RNF44: variants seen among roughly 807,000 people sequenced by gnomAD.
The protein encoded by RNF44 is ring finger protein 44.
A neutral mutation model predicts 53.6 loss-of-function variants in RNF44; 25 were observed. The observed-to-expected ratio is 0.47, with a 90% CI of 0.34 to 0.65. The LOEUF (loss-of-function observed/expected upper bound fraction) is 0.65. RNF44 is among the 30% of genes least tolerant of loss of function. RNF44 has a pLI of 0.01. For synonymous variants in RNF44, 282 were observed against 252.2 expected (o/e 1.12, Z -1.12); for missense variants, 581 against 595.5 (o/e 0.98, Z 0.25).
chr5:176,530,993 A>T lies in RNF44; in HGVS notation c.494T>A (p.Leu165Gln). 6.9e-7 allele frequency: 1 copy of T among 1,455,362 alleles called. No homozygotes were observed. The highest frequency in any genetic ancestry group is 9.0e-7 in the Non-Finnish European group (1 of 1,107,014). 90.2% of individuals were successfully genotyped at this position (1,455,362 alleles called of 1,614,324 possible). A position where few individuals can be genotyped will look rare whatever the true frequency, so the allele number is the denominator to read the frequency against. The stretch of plus-strand genomic sequence containing the variant: ...GGGGTAGGCCTGATAGGGCACAGGC[A>T]GCTGCTGCATGGTGCACGCCTGGAT... ...PLIQACTMQQ[L>Q]PVPYQAYPHL... Residue 165 changes from leucine (L) to glutamine (Q), a missense_variant, in exon 5 of 11, where the codon CTG (leucine) becomes CAG (glutamine). By Grantham distance (113) the Leu-to-Gln change is moderately radical. This residue lies in a region of RNF44 where 387 missense variants were observed against 366.0 expected (regional missense o/e 1.06). Transcript: ENST00000274811.
In RNF44 at chr5:176,530,035, A is replaced by T. The variant is rs201561309; in HGVS notation, c.926+47T>A. On this transcript the variant is annotated intron_variant, in intron 7 of 10. Transcript: ENST00000274811. ...TTTAGGTCTAACCACTGGAGGTTCC[A>T]GGAGAACAGGGCATCAGGGACCTGG... The T allele has an allele frequency of 8.6e-6, 12 of 1,402,984 alleles. No homozygotes were observed. The South Asian group carries it at 2.0e-4, about 23-fold the overall frequency. The allele number at this position is 1,402,984 out of a possible 1,614,324, so 86.9% of individuals were successfully genotyped here.
At chr5:176,535,007 C>G (rs1757026954) in intron 1 of RNF44, among the ~76,000 whole-genome samples, 1 of 152,184 alleles carries the variant, frequency 6.6e-6, no homozygotes, top group African/African-American at 2.4e-5. Flanking sequence ...CTGTGGCCAG[C>G]CCCCTACAAA....
At chr5:176,529,265 G>T in intron 10 of RNF44, 23 bp downstream of exon 10, 1 of 1,605,650 alleles carries the variant, frequency 6.2e-7, no homozygotes, top group African/African-American at 1.3e-5. Flanking sequence ...GGAATACCCA[G>T]GAGCAGACCT....
At chr5:176,535,159 C>G (rs1279637743) in intron 1 of RNF44, among the ~76,000 whole-genome samples, 1 of 152,236 alleles carries the variant, frequency 6.6e-6, no homozygotes, top group African/African-American at 2.4e-5. Context: ...TTCTTGCCTA[C>G]AGACCGTGGG....
chr5:176,534,731 T>C (rs1441110580), intron 1 of RNF44, among the ~76,000 whole-genome samples: 1 of 152,216 alleles, frequency 6.6e-6, no homozygotes. Context: ...AACCATGCTG[T>C]TTCCCCGGCG....
intron 1 of RNF44, among the ~76,000 whole-genome samples, 178 bp from the exon 2 acceptor site, chr5:176,532,694 G>A (rs1227536932): frequency 7.2e-6 from 1 of 138,158 alleles, no homozygotes; most frequent in Non-Finnish European, 1.5e-5. Flanking sequence ...AGTGAGCTGA[G>A]CTGAGATCGC....
At position 176,529,628 on chromosome 5, in the gene RNF44, G is replaced by C. The variant is rs1756375099; in HGVS notation, c.1031C>G (p.Ala344Gly). ...MENYEALLNL[A>G]ERLGDAKPRG... ...GGGCTTGGCATCTCCCAGCCGCTCG[G>C]CCAGGTTCAGGAGGGCCTGCATGCG... Residue 344 changes from alanine (A) to glycine (G), a missense_variant, in exon 9 of 11, where the codon GCC (alanine) becomes GGC (glycine). Physicochemically the swap from Ala to Gly is moderately conservative, Grantham distance 60. Coordinates refer to ENST00000274811, the MANE Select transcript of RNF44 (RefSeq NM_014901.5). 6.2e-7 allele frequency: 1 copy of C among 1,613,784 alleles called. No individual in the cohort carries two copies. The highest frequency in any genetic ancestry group is 1.3e-5 in the African/African-American group (1 of 74,936).
At chr5:176,530,452 C>G (rs1246441935) in intron 6 of RNF44, 130 bp downstream of exon 6, 1 of 1,125,484 alleles carries the variant, frequency 8.9e-7, no homozygotes, top group Non-Finnish European at 1.2e-6. Context: ...CCCAGCCGCC[C>G]CGGAGCCCAC....
upstream of RNF44, among the ~76,000 whole-genome samples, chr5:176,539,192 CAA>C: frequency 6.6e-6 from 1 of 152,210 alleles, no homozygotes; most frequent in East Asian, 1.9e-4. Flanking sequence ...CTAAGCAACA[CAA>C]GAGCAAGGTC....
upstream of RNF44, among the ~76,000 whole-genome samples, chr5:176,542,011 G>A (rs1278685273): frequency 6.6e-6 from 1 of 152,160 alleles, no homozygotes; most frequent in African/African-American, 2.4e-5. Context: ...CCTGAGCCCC[G>A]AGTTCTGGCT....
rs545451135 is a variant in RNF44 at position 176,531,109 on chromosome 5, C to T, written c.466-88G>A. On this transcript the variant is annotated intron_variant, in intron 4 of 10. Transcript: ENST00000274811. The surrounding 1 kb of genome is among the most constrained non-coding windows in gnomAD (Gnocchi z 4.2). ...ATGCCACCCAGCAAAAGGCCCCCAC[C>T]GGGCACACACCCAGCAGCTCCAGGG... 6.9e-5 allele frequency: 65 copies of T among 943,436 alleles called. No homozygotes were observed. The African/African-American group carries it at 7.6e-4, about 11-fold the overall frequency. The allele number at this position is 943,436 out of a possible 1,614,324, so 58.4% of individuals were successfully genotyped here.
At chr5:176,532,959 T>A (rs1020530128) in intron 1 of RNF44, among the ~76,000 whole-genome samples, 3 of 152,044 alleles carry the variant, frequency 2.0e-5, no homozygotes, top group Admixed American at 6.5e-5. Flanking sequence ...TCCTGCTGTG[T>A]GAAATGGGAC....
At position 176,530,119 on chromosome 5, in the gene RNF44, G is replaced by C; in HGVS notation, c.889C>G (p.Pro297Ala). 2.3e-6 allele frequency: 3 copies of C among 1,299,470 alleles called. No homozygotes were observed. The highest frequency in any genetic ancestry group is 2.0e-6 in the Non-Finnish European group (2 of 1,016,116). The allele number at this position is 1,299,470 out of a possible 1,614,324, so 80.5% of individuals were successfully genotyped here. Residue 297 changes from proline to alanine, a missense_variant, in exon 7 of 11, where the codon CCA (proline) becomes GCA (alanine). Coordinates refer to ENST00000274811, the MANE Select transcript of RNF44 (RefSeq NM_014901.5). The stretch of plus-strand genomic sequence containing the variant: ...AGGAAGCTGGGGTAGTAGGGTGGTG[G>C]GGGTGGGGGTGGGGGCGGCGGGGGC... ...PLPPPPPPPP[P>A]PPYYPSFLPY...
chr5:176,538,436 C>T (rs1757361253), upstream of RNF44, among the ~76,000 whole-genome samples: 1 of 152,180 alleles, frequency 6.6e-6, no homozygotes, highest in South Asian at 2.1e-4. Flanking sequence ...GAAGCCCACC[C>T]ACCCGGGCAA....
rs780009417 is a variant in RNF44, at chr5:176,529,271, G to A, written c.1236+17C>T. The A allele has an allele frequency of 1.1e-5, 18 of 1,604,808 alleles. No homozygotes were observed. Among genetic ancestry groups the A allele is most frequent in the African/African-American group, 1.1e-4 (8 of 74,788 alleles). Reference sequence around the variant, plus strand: ...ACTGCATGAGGAATACCCAGGAGCAGACCTGGGCAGTGTTACCTTCAACCA... The same window carrying A: ...ACTGCATGAGGAATACCCAGGAGCAAACCTGGGCAGTGTTACCTTCAACCA... On this transcript the variant is annotated intron_variant, in intron 10 of 10. Transcript: ENST00000274811.
intron 1 of RNF44, among the ~76,000 whole-genome samples, chr5:176,534,603 G>T (rs3777385): frequency 0.07 from 10,726 of 152,318 alleles, 436 homozygotes; most frequent in East Asian, 0.14. Context: ...GCACCTAGAT[G>T]TTTAACAAAT....
In RNF44 at chr5:176,529,370, C is replaced by T; in HGVS notation, c.1154G>A (p.Ser385Asn). ...GAGCAGCTGCCGCGCCTCGAAGTCA[C>T]TGAAGCAGACCACACACCTGTGGAG... ...SEQTLCVVCF[S>N]DFEARQLLRV... Residue 385 changes from serine to asparagine, a missense_variant, in exon 10 of 11, where the codon AGT becomes AAT. Ser to Asn is a conservative substitution (Grantham distance 46). Coordinates refer to ENST00000274811, the MANE Select transcript of RNF44 (RefSeq NM_014901.5). The T allele has an allele frequency of 6.2e-7, 1 of 1,613,286 alleles. No homozygotes were observed. The highest frequency in any genetic ancestry group is 8.5e-7 in the Non-Finnish European group (1 of 1,179,806).
intron 1 of RNF44, chr5:176,535,863 AAC>A (rs1410100322): frequency 4.6e-5 from 7 of 152,196 alleles, no homozygotes; most frequent in Non-Finnish European, 1.0e-4. Context: ...GCTCTGTGTG[AAC>A]GGGTCTTGAG....
intron 1 of RNF44, among the ~76,000 whole-genome samples, chr5:176,534,116 A>G (rs1259637840): frequency 6.6e-6 from 1 of 152,238 alleles, no homozygotes; most frequent in Admixed American, 6.5e-5. Context: ...GGGCCCGACC[A>G]GCAGAGGGTG....
Sources: gnomAD v4.1 joint callset for allele counts (sites outside exome capture counted in the v4.1 genomes callset) on GRCh38, gnomAD v4.1.1 for gene constraint, gnomAD v4.1.1 regional missense constraint, Gnocchi (gnomAD v3.1) non-coding constraint, MANE v1.5 for transcripts, NCBI Gene and HGNC (gene_info 2026-07-23, HGNC 2026-07-21) for gene names.